Variants in BNC2 observed in about 807,000 individuals in gnomAD.
BNC2 encodes zinc finger protein basonuclin-2.
BNC2 carries 20 observed loss-of-function variants against 76.3 expected under a neutral mutation model. The observed-to-expected ratio is 0.26, with a 90% CI of 0.18 to 0.38. The LOEUF is 0.38. BNC2 is among the 10% of genes least tolerant of loss of function. The probability of loss-of-function intolerance (pLI) is 1.00; values close to 1 mark genes in which losing one functional copy is unlikely to be tolerated. For synonymous variants in BNC2, 582 were observed against 514.8 expected (o/e 1.13, Z -1.77); for missense variants, 1,382 against 1,399.8 (o/e 0.99, Z 0.20).
chr9:16,527,891 T>C (rs1461477635), intron 5 of BNC2, among the ~76,000 whole-genome samples: 1 of 152,206 alleles, frequency 6.6e-6, no homozygotes, highest in African/African-American at 2.4e-5. Flanking sequence ...AGGAAGGCAA[T>C]GTCATCCTGG....
At chr9:16,433,630 C>T (rs1479674878) in intron 6 of BNC2, among the ~76,000 whole-genome samples, 1 of 152,178 alleles carries the variant, frequency 6.6e-6, no homozygotes, top group Non-Finnish European at 1.5e-5. Context: ...CAGTGCCTCC[C>T]TATGTGTTAA....
At chr9:16,678,709 T>C (rs1822733527) in intron 3 of BNC2, among the ~76,000 whole-genome samples, 1 of 152,058 alleles carries the variant, frequency 6.6e-6, no homozygotes, top group Non-Finnish European at 1.5e-5. Flanking sequence ...TTTGAAAGCT[T>C]CACTTGTGTG....
chr9:16,481,090 C>T (rs1480827983), intron 5 of BNC2, among the ~76,000 whole-genome samples: 1 of 152,138 alleles, frequency 6.6e-6, no homozygotes, highest in Non-Finnish European at 1.5e-5. Flanking sequence ...CTGTGTCTAG[C>T]TCAGGGTTTG....
rs1350269169 is a variant in BNC2 at position 16,847,395 on chromosome 9, TCGGGG to T, written c.3+23246_3+23250del. Among the ~76,000 whole-genome samples, 5 of 18,874 alleles carry T rather than the reference TCGGGG, an allele frequency of 2.6e-4. 1 individual carries two copies. The highest frequency in any genetic ancestry group is 7.3e-4 in the Non-Finnish European group (4 of 5,488). The allele number at this position is 18,874 out of a possible 152,430, so 12.4% of individuals were successfully genotyped here. On this transcript the variant is annotated intron_variant, in intron 1 of 6. Transcript: ENST00000380672. ...GTTTAAACATCTCTCTGAAGATTTC[TCGGGG>T]CGGGGGGGGGGGGGCGGCGGGCAAC...
intron 1 of BNC2, among the ~76,000 whole-genome samples, chr9:16,857,409 G>A (rs752660939): frequency 4.0e-5 from 6 of 150,434 alleles, no homozygotes; most frequent in South Asian, 4.2e-4. Context: ...ATCGGCCGGC[G>A]GAGGTTGCAG....
In BNC2 at chr9:16,607,465, A is replaced by G. The variant is rs533048693; in HGVS notation, c.331-24380T>C. On this transcript the variant is annotated intron_variant, in intron 3 of 6. Transcript: ENST00000380672. ...AGTGGTCCTTTAGGCAGGTGGTTAA[A>G]CTAAACACGTCTAAAGGAAAGAGTT... Among the ~76,000 whole-genome samples, 8 of 152,334 alleles carry G rather than the reference A, an allele frequency of 5.3e-5. No homozygotes were observed. In the East Asian group the frequency reaches 1.5e-3, roughly 29 times the overall value.
At chr9:16,639,636 G>T (rs965949457) in intron 3 of BNC2, among the ~76,000 whole-genome samples, 1 of 151,828 alleles carries the variant, frequency 6.6e-6, no homozygotes, top group Non-Finnish European at 1.5e-5. Context: ...AAAATCTCAA[G>T]TCAGGCACAC....
intron 5 of BNC2, among the ~76,000 whole-genome samples, chr9:16,453,551 T>C (rs1451304586): frequency 6.6e-6 from 1 of 152,226 alleles, no homozygotes; most frequent in African/African-American, 2.4e-5. Flanking sequence ...GTGCTCATTG[T>C]TTCCATTCAC....
At chr9:16,825,358 G>C (rs1164549632) in intron 1 of BNC2, among the ~76,000 whole-genome samples, 1 of 151,982 alleles carries the variant, frequency 6.6e-6, no homozygotes, top group Non-Finnish European at 1.5e-5. Context: ...CTTTATTTTT[G>C]TCTCAATATC....
At chr9:16,434,747 A>T in intron 6 of BNC2, 1 of 438,084 alleles carries the variant, frequency 2.3e-6, no homozygotes, top group Non-Finnish European at 4.6e-6. Flanking sequence ...CTGCAACTAC[A>T]TAGCAAGAGT....
At chr9:16,447,844 G>A (rs1024029737) in intron 5 of BNC2, among the ~76,000 whole-genome samples, 2 of 151,914 alleles carry the variant, frequency 1.3e-5, no homozygotes, top group African/African-American at 4.8e-5. Context: ...GTAGTCTTTC[G>A]GAAATCTTTG....
At chr9:16,434,962 T>A (rs1820975426) in intron 6 of BNC2, 1 of 470,788 alleles carries the variant, frequency 2.1e-6, no homozygotes, top group South Asian at 1.5e-5. Context: ...CTTCTGATAT[T>A]TTCACAACTC....
At chr9:16,858,188 TC>T (rs1433782990) in intron 1 of BNC2, among the ~76,000 whole-genome samples, 51 of 152,340 alleles carry the variant, frequency 3.3e-4, no homozygotes, top group African/African-American at 1.2e-3. Flanking sequence ...CTTCCCCCTT[TC>T]CTTTTGAGGT....
At chr9:16,621,725 T>C (rs1820872324) in intron 3 of BNC2, among the ~76,000 whole-genome samples, 1 of 152,134 alleles carries the variant, frequency 6.6e-6, no homozygotes, top group African/African-American at 2.4e-5. Flanking sequence ...CATGTGGGTA[T>C]TGACCACGTG....
intron 1 of BNC2, among the ~76,000 whole-genome samples, chr9:16,791,798 G>C (rs2135668523): frequency 6.6e-6 from 1 of 152,178 alleles, no homozygotes; most frequent in Non-Finnish European, 1.5e-5. Flanking sequence ...AGATTAAAAA[G>C]TACTTTTAAA....
intron 5 of BNC2, among the ~76,000 whole-genome samples, chr9:16,468,553 G>A (rs981967057): frequency 2.0e-5 from 3 of 151,834 alleles, no homozygotes; most frequent in Admixed American, 6.6e-5. Flanking sequence ...GCACCACCAC[G>A]CCTGGCTACT....
At chr9:16,526,416 A>C (rs1587133620) in intron 5 of BNC2, among the ~76,000 whole-genome samples, 1 of 151,644 alleles carries the variant, frequency 6.6e-6, no homozygotes, top group Admixed American at 6.6e-5. Flanking sequence ...ATTTTTAAAA[A>C]CATAATGTGT....
chr9:16,725,461 C>T (rs146171676), intron 3 of BNC2, among the ~76,000 whole-genome samples: 24 of 151,860 alleles, frequency 1.6e-4, no homozygotes, highest in Non-Finnish European at 2.4e-4. Flanking sequence ...ATTCAGTGAC[C>T]ATGACAGAAA....
chr9:16,487,393 A>G (rs1043147255), intron 5 of BNC2, among the ~76,000 whole-genome samples: 1 of 152,224 alleles, frequency 6.6e-6, no homozygotes, highest in Non-Finnish European at 1.5e-5. Flanking sequence ...GTTCTGATAT[A>G]TGTTTTATAA....
Sources: gnomAD v4.1 joint callset for allele counts (sites outside exome capture counted in the v4.1 genomes callset) on GRCh38, gnomAD v4.1.1 for gene constraint, MANE v1.5 for transcripts, NCBI Gene and HGNC (gene_info 2026-07-23, HGNC 2026-07-21) for gene names.